Variants in PTPRD observed in about 807,000 individuals in gnomAD.
PTPRD encodes the protein receptor-type tyrosine-protein phosphatase delta.
A neutral mutation model predicts 214.5 loss-of-function variants in PTPRD; 34 were observed. The ratio of observed to expected loss-of-function variants is 0.16; its 90% confidence interval spans 0.12 to 0.21. PTPRD has a LOEUF of 0.21. PTPRD is among the 10% of genes least tolerant of loss of function. The probability of loss-of-function intolerance (pLI) is 1.00; values close to 1 mark genes in which losing one functional copy is unlikely to be tolerated. For synonymous variants in PTPRD, 1,128 were observed against 845.7 expected (o/e 1.33, Z -5.79); for missense variants, 2,545 against 2,398.7 (o/e 1.06, Z -1.27).
At chr9:9,708,956 G>T (rs1280340197) in intron 7 of PTPRD, among the ~76,000 whole-genome samples, 2 of 151,862 alleles carry the variant, frequency 1.3e-5, no homozygotes, top group Non-Finnish European at 1.5e-5. Context: ...AGACTCTCCA[G>T]ATTACATTAT....
At chr9:8,490,419 A>G (rs991017050) in intron 27 of PTPRD, among the ~76,000 whole-genome samples, 1 of 152,202 alleles carries the variant, frequency 6.6e-6, no homozygotes, top group Non-Finnish European at 1.5e-5. Context: ...TTTAGCCCCA[A>G]TTTAAACTAG....
chr9:10,126,190 G>A (rs2098817793), intron 3 of PTPRD, among the ~76,000 whole-genome samples: 1 of 152,084 alleles, frequency 6.6e-6, no homozygotes, highest in Non-Finnish European at 1.5e-5. Context: ...TGTTATTACA[G>A]TTGAGAAATA....
chr9:9,601,142 TGTGTGTG>T (rs2093723767), intron 7 of PTPRD, among the ~76,000 whole-genome samples: 56 of 117,236 alleles, frequency 4.8e-4, no homozygotes, highest in Middle Eastern at 4.2e-3. Flanking sequence ...TGTGTGTGTG[TGTGTGTG>T]TATGGGGGGG....
intron 3 of PTPRD, among the ~76,000 whole-genome samples, chr9:10,047,730 A>G (rs1192761087): frequency 2.6e-5 from 4 of 152,126 alleles, no homozygotes; most frequent in African/African-American, 9.7e-5. Flanking sequence ...CACAGTGTTA[A>G]TTTGTTTACT....
At chr9:10,470,861 T>C (rs1185684764) in intron 2 of PTPRD, among the ~76,000 whole-genome samples, 1 of 152,090 alleles carries the variant, frequency 6.6e-6, no homozygotes. Flanking sequence ...ATAAAATATA[T>C]TGCAGCACTA....
At chr9:9,377,894 T>A (rs1275392812) in intron 9 of PTPRD, among the ~76,000 whole-genome samples, 1 of 151,852 alleles carries the variant, frequency 6.6e-6, no homozygotes. Context: ...AAGATTTTTG[T>A]TTTGTTGTTG....
At chr9:8,861,105 T>C (rs543604551) in intron 11 of PTPRD, 2 of 151,628 alleles carry the variant, frequency 1.3e-5, no homozygotes, top group Non-Finnish European at 2.9e-5. Flanking sequence ...AGTGCATAAT[T>C]CAGCATACGA....
chr9:9,053,834 A>G (rs2099691197), intron 10 of PTPRD, among the ~76,000 whole-genome samples: 1 of 152,198 alleles, frequency 6.6e-6, no homozygotes, highest in South Asian at 2.1e-4. Context: ...AAGTAATTCT[A>G]ATGCACTTAT....
chr9:9,840,531 G>T (rs1185820126), intron 5 of PTPRD, among the ~76,000 whole-genome samples: 1 of 151,828 alleles, frequency 6.6e-6, no homozygotes, highest in Admixed American at 6.6e-5. Flanking sequence ...CATTTCATTG[G>T]AGTAAGGAGC....
At chr9:10,435,269 A>C (rs921145490) in intron 2 of PTPRD, among the ~76,000 whole-genome samples, 1 of 151,940 alleles carries the variant, frequency 6.6e-6, no homozygotes, top group African/African-American at 2.4e-5. Context: ...CAGGAAATCC[A>C]TATCTTCCAG....
At chr9:8,449,667 T>G in intron 34 of PTPRD, 58 bp downstream of exon 34, 13 of 1,471,056 alleles carry the variant, frequency 8.8e-6, no homozygotes, top group South Asian at 1.2e-5. Context: ...TAATATCAAT[T>G]GAGCTGTACA....
intron 11 of PTPRD, among the ~76,000 whole-genome samples, chr9:8,949,499 T>C (rs1461916337): frequency 1.6e-5 from 1 of 63,242 alleles, no homozygotes; most frequent in Non-Finnish European, 3.3e-5. Context: ...ATCACTTCCA[T>C]TTACATAACG....
chr9:8,495,845 G>T (rs904875476), intron 26 of PTPRD, among the ~76,000 whole-genome samples: 5 of 152,182 alleles, frequency 3.3e-5, no homozygotes, highest in Admixed American at 1.3e-4. Context: ...TGCATTGGCA[G>T]TAAATATTCA....
chr9:8,370,783 G>C (rs1304942942), intron 39 of PTPRD, among the ~76,000 whole-genome samples: 4 of 152,044 alleles, frequency 2.6e-5, no homozygotes, highest in Non-Finnish European at 5.9e-5. Flanking sequence ...GGGACCTAAA[G>C]TCTGGAGAAT....
rs1226872458 is a variant in PTPRD at position 9,900,643 on chromosome 9, T to TTTTTTTTTTGTTTTTTTTG, written c.-368+37863_-368+37864insCAAAAAAAACAAAAAAAAA. On this transcript the variant is annotated intron_variant, in intron 5 of 45. Transcript: ENST00000381196. ...CAAAGGTGCTTCCACATTTTCAGGTTTTTTTTTTTTTTGAGATGGAGTCTT... is the reference window on the plus strand; with the variant it reads ...CAAAGGTGCTTCCACATTTTCAGGTTTTTTTTTTTGTTTTTTTTGTTTTTTTTTTTTGAGATGGAGTCTT... Among the ~76,000 whole-genome samples, 70 of 143,428 alleles carry TTTTTTTTTTGTTTTTTTTG rather than the reference T, an allele frequency of 4.9e-4. 1 individual carries two copies. The highest frequency in any genetic ancestry group is 1.4e-3 in the East Asian group (7 of 4,972). 94.1% of individuals were successfully genotyped at this position (143,428 alleles called of 152,430 possible).
In PTPRD at chr9:8,331,688, C is replaced by G. The variant is rs2131646594; in HGVS notation, c.5428G>C (p.Glu1810Gln). 6.2e-7 allele frequency: 1 copy of G among 1,613,490 alleles called. No homozygotes were observed. Among genetic ancestry groups the G allele is most frequent in the Non-Finnish European group, 8.5e-7 (1 of 1,179,806 alleles). Residue 1810 changes from glutamate to glutamine, a missense_variant, in exon 44 of 46, where the codon GAG becomes CAG. Coordinates refer to ENST00000381196, the MANE Select transcript of PTPRD (RefSeq NM_002839.4). The stretch of plus-strand genomic sequence containing the variant: ...TCTCCGGACTTTGGCACTCCTTGCT[C>G]TGGCCAGTCAGTGAACTGGAACTGC... The part of the protein sequence containing the change: ...VRQFQFTDWP[E>Q]QGVPKSGEGF...
At chr9:10,418,880 A>T (rs920033295) in intron 2 of PTPRD, among the ~76,000 whole-genome samples, 2 of 151,836 alleles carry the variant, frequency 1.3e-5, no homozygotes, top group African/African-American at 4.8e-5. Flanking sequence ...TTCCTGTTTC[A>T]CTTTTATTTC....
At chr9:9,043,652 C>T (rs201819554) in intron 10 of PTPRD, among the ~76,000 whole-genome samples, 1 of 152,138 alleles carries the variant, frequency 6.6e-6, no homozygotes, top group East Asian at 1.9e-4. Flanking sequence ...ACCTGTAATC[C>T]CAGCACTTTG....
intron 14 of PTPRD, among the ~76,000 whole-genome samples, chr9:8,619,299 C>G (rs1028406625): frequency 6.6e-6 from 1 of 151,858 alleles, no homozygotes; most frequent in African/African-American, 2.4e-5. Flanking sequence ...CTTAAACTTA[C>G]TCCTCCTAAC....
Sources: allele counts gnomAD v4.1 joint callset (sites outside exome capture counted in the v4.1 genomes callset), GRCh38; gene constraint gnomAD v4.1.1; transcripts MANE v1.5; gene names NCBI Gene and HGNC (gene_info 2026-07-23, HGNC 2026-07-21).